The following RCAN2 variants were observed in gnomAD, a reference collection of about 807,000 sequenced individuals.
RCAN2 encodes the protein calcipressin-2.
Under a neutral mutation model 23.6 loss-of-function variants are expected in RCAN2, and 9 were observed. That is an observed-to-expected ratio of 0.38 (90% CI 0.23 to 0.67). The LOEUF (loss-of-function observed/expected upper bound fraction) is 0.67. Among genes scored for constraint, RCAN2 ranks in the 30% least tolerant of loss-of-function variants. The pLI is 0.51. For missense variants in RCAN2, 273 were observed against 302.3 expected, an observed-to-expected ratio of 0.90 and a Z score of 0.72; for synonymous variants, 109 against 115.7, an observed-to-expected ratio of 0.94 and a Z score of 0.37.
At chr6:46,462,548 C>G (rs75659271) in intron 1 of RCAN2, among the ~76,000 whole-genome samples, 1 of 152,146 alleles carries the variant, frequency 6.6e-6, no homozygotes, top group Non-Finnish European at 1.5e-5. Context: ...GACTAGCCAC[C>G]TGAAACATAA....
intron 1 of RCAN2, among the ~76,000 whole-genome samples, chr6:46,463,245 T>A (rs1768276311): frequency 6.6e-6 from 1 of 152,202 alleles, no homozygotes. Flanking sequence ...AGAAAAAGCA[T>A]ACGAAGCATA....
At chr6:46,362,928 T>C (rs751499376) in intron 2 of RCAN2, among the ~76,000 whole-genome samples, 8 of 152,192 alleles carry the variant, frequency 5.3e-5, no homozygotes, top group Non-Finnish European at 8.8e-5. Context: ...CTACCGTTTA[T>C]TATACCTGGT....
At chr6:46,261,841 G>C (rs1350044407) in intron 2 of RCAN2, among the ~76,000 whole-genome samples, 1 of 152,144 alleles carries the variant, frequency 6.6e-6, no homozygotes, top group African/African-American at 2.4e-5. Context: ...AAAACAACAT[G>C]ATAAATTAAA....
At chr6:46,269,588 G>C (rs372622400) in intron 2 of RCAN2, among the ~76,000 whole-genome samples, 1 of 152,208 alleles carries the variant, frequency 6.6e-6, no homozygotes, top group Admixed American at 6.5e-5. Context: ...CCTTGGTCAT[G>C]CATTCACAAC....
intron 2 of RCAN2, among the ~76,000 whole-genome samples, chr6:46,252,488 T>C (rs561514858): frequency 6.6e-6 from 1 of 152,336 alleles, no homozygotes; most frequent in South Asian, 2.1e-4. Context: ...CTTTACACTC[T>C]TAATAATTAT....
intron 2 of RCAN2, among the ~76,000 whole-genome samples, chr6:46,378,049 G>A (rs539253684): frequency 1.3e-5 from 2 of 152,190 alleles, no homozygotes; most frequent in Non-Finnish European, 2.9e-5. Context: ...CATAACAGCT[G>A]TACATAGTAG....
intron 2 of RCAN2, among the ~76,000 whole-genome samples, chr6:46,295,170 G>A (rs963650799): frequency 2.0e-5 from 3 of 152,128 alleles, no homozygotes; most frequent in South Asian, 2.1e-4. Flanking sequence ...ATGAAGACAG[G>A]AAATATCTCC....
chr6:46,330,520 C>T (rs535177844), intron 2 of RCAN2, among the ~76,000 whole-genome samples: 9 of 152,274 alleles, frequency 5.9e-5, no homozygotes, highest in East Asian at 3.9e-4. Flanking sequence ...TCACACAATT[C>T]GAAAAGCAAG....
At chr6:46,450,108 A>G (rs565364597) in intron 2 of RCAN2, among the ~76,000 whole-genome samples, 1 of 152,186 alleles carries the variant, frequency 6.6e-6, no homozygotes, top group East Asian at 1.9e-4. Flanking sequence ...TCAACTGCAA[A>G]AAAACAAATA....
intron 2 of RCAN2, among the ~76,000 whole-genome samples, chr6:46,287,425 A>G (rs1351833462): frequency 1.3e-5 from 2 of 152,210 alleles, no homozygotes; most frequent in African/African-American, 2.4e-5. Context: ...GGAAGGGTTT[A>G]ATGTTTACAC....
chr6:46,245,065 G>A (rs1204609253), intron 4 of RCAN2, among the ~76,000 whole-genome samples: 1 of 152,224 alleles, frequency 6.6e-6, no homozygotes, highest in East Asian at 1.9e-4. Context: ...GCTCTCTGAA[G>A]GGGGAGGGTC....
intron 2 of RCAN2, among the ~76,000 whole-genome samples, chr6:46,360,333 C>T (rs1357353955): frequency 6.6e-6 from 1 of 151,662 alleles, no homozygotes; most frequent in Non-Finnish European, 1.5e-5. Flanking sequence ...GAGGTGGAGA[C>T]CATGCTGGCT....
chr6:46,324,424 C>A (rs1050148153), intron 2 of RCAN2, among the ~76,000 whole-genome samples: 3 of 152,094 alleles, frequency 2.0e-5, no homozygotes, highest in Non-Finnish European at 4.4e-5. Context: ...CCTGCACACC[C>A]AACAATAAAG....
At position 46,252,793 on chromosome 6, in the gene RCAN2, C is replaced by T. The variant is rs922442171; in HGVS notation, c.226-3897G>A. 2.6e-5 allele frequency among the ~76,000 whole-genome samples: 4 copies of T among 152,200 alleles called. No individual in the cohort carries two copies. In the South Asian group the frequency reaches 6.2e-4, roughly 24 times the overall value. ...CTGCTTCTGCATTCAATCTGTTGCA[C>T]CAAGTTGTTTTGACTGAAGGGTATG... On this transcript the variant is annotated intron_variant, in intron 2 of 4. Transcript: ENST00000371374.
intron 4 of RCAN2, among the ~76,000 whole-genome samples, chr6:46,231,505 G>T (rs1347020090): frequency 6.6e-6 from 1 of 151,832 alleles, no homozygotes; most frequent in African/African-American, 2.4e-5. Context: ...TGCCTCCTGG[G>T]TTCAAGCAAT....
At position 46,381,725 on chromosome 6, in the gene RCAN2, C is replaced by T. The variant is rs1765620142; in HGVS notation, c.225+75027G>A. On this transcript the variant is annotated intron_variant, in intron 2 of 4. Coordinates refer to ENST00000371374, the MANE Select transcript of RCAN2 (RefSeq NM_001251974.2). ...CCACAGTCCAGTGCTTAACTTTTAG[C>T]TGAGGTCACGGCATCCTGTTCTACC... Among the ~76,000 whole-genome samples the T allele has an allele frequency of 1.3e-5, 2 of 152,156 alleles. 1 individual carries two copies. The highest frequency in any genetic ancestry group is 4.8e-5 in the African/African-American group (2 of 41,442).
At chr6:46,340,419 C>T (rs1223467107) in intron 2 of RCAN2, among the ~76,000 whole-genome samples, 1 of 152,226 alleles carries the variant, frequency 6.6e-6, no homozygotes, top group Non-Finnish European at 1.5e-5. Flanking sequence ...CCAATCAGGG[C>T]CCAGCTCTGG....
intron 2 of RCAN2, among the ~76,000 whole-genome samples, chr6:46,353,783 C>A (rs942252782): frequency 6.6e-6 from 1 of 152,168 alleles, no homozygotes; most frequent in African/African-American, 2.4e-5. Flanking sequence ...GATTTATTTA[C>A]AGAGAACAGC....
intron 2 of RCAN2, among the ~76,000 whole-genome samples, chr6:46,304,374 C>T (rs970378676): frequency 2.0e-5 from 3 of 152,064 alleles, no homozygotes; most frequent in Admixed American, 2.0e-4. Context: ...CTGTAGCTTT[C>T]CTTTTTATTC....
Sources: allele counts gnomAD v4.1 joint callset (sites outside exome capture counted in the v4.1 genomes callset), GRCh38; gene constraint gnomAD v4.1.1; transcripts MANE v1.5; gene names NCBI Gene and HGNC (gene_info 2026-07-23, HGNC 2026-07-21).